Variants in DTNB observed in about 807,000 individuals in gnomAD.
The protein encoded by DTNB is DTN-B.
In DTNB, 63 loss-of-function variants were observed where a neutral mutation model predicts 90.7. The observed-to-expected ratio is 0.69, with a 90% CI of 0.57 to 0.86. The LOEUF (loss-of-function observed/expected upper bound fraction) is 0.86. Among genes scored for constraint, DTNB ranks in the 40% least tolerant of loss-of-function variants. The probability of loss-of-function intolerance (pLI) is 0.00; values close to 1 mark genes in which losing one functional copy is unlikely to be tolerated. For missense variants in DTNB, 744 were observed against 807.1 expected (o/e 0.92, Z 0.95); for synonymous variants, 277 against 286.7 (o/e 0.97, Z 0.34).
chr2:25,639,259 A>G, intron 2 of DTNB, 165 bp from the exon 3 acceptor site: 1 of 553,078 alleles, frequency 1.8e-6, no homozygotes, highest in South Asian at 3.0e-5. Context: ...AGGATAGGAA[A>G]CACGTGCATC....
intron 1 of DTNB, among the ~76,000 whole-genome samples, chr2:25,653,780 G>A (rs1056326236): frequency 4.6e-5 from 7 of 152,084 alleles, no homozygotes; most frequent in African/African-American, 1.4e-4. Context: ...CCAAAGTGCT[G>A]AGATTACAGG....
At chr2:25,412,229 AG>A (rs1296663002) in intron 16 of DTNB, among the ~76,000 whole-genome samples, 2 of 152,156 alleles carry the variant, frequency 1.3e-5, no homozygotes, top group Non-Finnish European at 2.9e-5. Context: ...GTGATCAGAA[AG>A]GGGGGCTTCC....
At chr2:25,640,101 T>C (rs2077931376) in intron 2 of DTNB, among the ~76,000 whole-genome samples, 1 of 152,140 alleles carries the variant, frequency 6.6e-6, no homozygotes, top group Admixed American at 6.5e-5. Flanking sequence ...AATGACTGTT[T>C]GAGGGGTAAG....
At chr2:25,589,367 C>CTCTTTTTTTTTTTT (rs2063078912) in intron 6 of DTNB, among the ~76,000 whole-genome samples, 13 of 57,556 alleles carry the variant, frequency 2.3e-4, no homozygotes, top group Non-Finnish European at 2.7e-4. Context: ...TTTTTCTTTT[C>CTCTTTTTTTTTTTT]TTTTTTTTTT....
intron 2 of DTNB, among the ~76,000 whole-genome samples, chr2:25,648,948 G>T (rs1418149009): frequency 7.2e-6 from 1 of 138,490 alleles, no homozygotes; most frequent in African/African-American, 2.7e-5. Flanking sequence ...AGAAATATTA[G>T]AAATATTCCC....
chr2:25,652,591 C>T lies in DTNB; in HGVS notation c.67+3G>A. 6.2e-7 allele frequency: 1 copy of T among 1,609,420 alleles called. No homozygotes were observed. The highest frequency in any genetic ancestry group is 8.5e-7 in the Non-Finnish European group (1 of 1,178,484). On this transcript the variant is annotated splice_donor_region_variant and intron_variant, in intron 2 of 20. Transcript: ENST00000406818. ...CACATATGAACAAGGACTCAAGACTCACGCATTTCTATGAACAGCTGCCTC... is the reference window on the plus strand; with the variant it reads ...CACATATGAACAAGGACTCAAGACTTACGCATTTCTATGAACAGCTGCCTC...
intron 6 of DTNB, among the ~76,000 whole-genome samples, chr2:25,587,328 C>A (rs2062635204): frequency 6.6e-6 from 1 of 152,196 alleles, no homozygotes; most frequent in South Asian, 2.1e-4. Context: ...ACTCCTCTTC[C>A]TTAGGCTGCC....
chr2:25,665,506 G>C (rs546919505), intron 1 of DTNB, among the ~76,000 whole-genome samples: 13 of 152,062 alleles, frequency 8.5e-5, no homozygotes, highest in Non-Finnish European at 1.6e-4. Flanking sequence ...TGCGCCTATA[G>C]TCCCAGCTAC....
chr2:25,427,237 T>C (rs1385463848), intron 15 of DTNB, among the ~76,000 whole-genome samples: 1 of 148,184 alleles, frequency 6.7e-6, no homozygotes, highest in Non-Finnish European at 1.5e-5. Context: ...CTTTAAGTAG[T>C]TGAGAAATAT....
chr2:25,635,616 A>G (rs1047057086), intron 3 of DTNB, among the ~76,000 whole-genome samples: 3 of 152,222 alleles, frequency 2.0e-5, no homozygotes, highest in Non-Finnish European at 4.4e-5. Flanking sequence ...AATCCCAATC[A>G]AAATCTCTGC....
At chr2:25,570,311 G>C (rs768417386) in intron 8 of DTNB, among the ~76,000 whole-genome samples, 36 of 150,184 alleles carry the variant, frequency 2.4e-4, no homozygotes, top group Non-Finnish European at 4.3e-4. Flanking sequence ...AGGAGGGTGA[G>C]GTGGGAGGAC....
At chr2:25,572,295 G>A (rs946016662) in intron 8 of DTNB, among the ~76,000 whole-genome samples, 4 of 152,098 alleles carry the variant, frequency 2.6e-5, no homozygotes, top group African/African-American at 9.7e-5. Context: ...GTGAAACCCT[G>A]TCTCTACTAA....
rs1246472873 is a variant in DTNB at position 25,400,283 on chromosome 2, A to G, written c.1576-11922T>C. Among the ~76,000 whole-genome samples, 4 of 152,242 alleles carry G rather than the reference A, an allele frequency of 2.6e-5. No individual in the cohort carries two copies. In the South Asian group the frequency reaches 6.2e-4, roughly 24 times the overall value. On this transcript the variant is annotated intron_variant, in intron 16 of 20. Coordinates refer to ENST00000406818, the MANE Select transcript of DTNB (RefSeq NM_021907.5). Reference sequence around the variant, plus strand: ...AGTTTGTTCCTTCTGTTTACTTGATAGGCACAGGCCAGACAGAACACACTA... The same window carrying G: ...AGTTTGTTCCTTCTGTTTACTTGATGGGCACAGGCCAGACAGAACACACTA...
chr2:25,589,681 C>T (rs1338303196), intron 6 of DTNB, among the ~76,000 whole-genome samples: 1 of 152,058 alleles, frequency 6.6e-6, no homozygotes, highest in Admixed American at 6.5e-5. Flanking sequence ...CTCAGGTTTC[C>T]TTTTCATAAA....
At chr2:25,451,741 A>G in intron 11 of DTNB, 106 bp from the exon 12 acceptor site, 1 of 1,160,730 alleles carries the variant, frequency 8.6e-7, no homozygotes. Flanking sequence ...GAATGGTAAT[A>G]AAAGAACTAG....
At chr2:25,551,156 T>A (rs2083564910) in intron 8 of DTNB, among the ~76,000 whole-genome samples, 1 of 152,246 alleles carries the variant, frequency 6.6e-6, no homozygotes, top group Non-Finnish European at 1.5e-5. Context: ...TACATCCAAT[T>A]TGCTATGTAG....
chr2:25,658,218 T>C (rs1354990204), intron 1 of DTNB, among the ~76,000 whole-genome samples: 2 of 149,968 alleles, frequency 1.3e-5, no homozygotes, highest in Non-Finnish European at 3.0e-5. Context: ...AATCGCACCA[T>C]TGCACTCCAG....
chr2:25,392,372 T>G (rs896238029), intron 16 of DTNB, among the ~76,000 whole-genome samples: 1 of 152,192 alleles, frequency 6.6e-6, no homozygotes, highest in Non-Finnish European at 1.5e-5. Context: ...ATCACACCAC[T>G]GTACACCAGC....
At chr2:25,445,421 G>A (rs2058252710) in intron 12 of DTNB, among the ~76,000 whole-genome samples, 1 of 152,158 alleles carries the variant, frequency 6.6e-6, no homozygotes. Flanking sequence ...TCAAGGAAAG[G>A]ATTTTGAAAT....
Sources: gnomAD v4.1 joint callset for allele counts (sites outside exome capture counted in the v4.1 genomes callset) on GRCh38, gnomAD v4.1.1 for gene constraint, MANE v1.5 for transcripts, NCBI Gene and HGNC (gene_info 2026-07-23, HGNC 2026-07-21) for gene names.